Variants in RETREG1 observed in about 807,000 individuals in gnomAD.
RETREG1 encodes family with sequence similarity 134 member B.
Under a neutral mutation model 54.8 loss-of-function variants are expected in RETREG1, and 44 were observed. The observed-to-expected ratio is 0.80, with a 90% CI of 0.63 to 1.03. The LOEUF is 1.03. Ranked by LOEUF, RETREG1 falls within the 50% of genes least tolerant of loss-of-function variation. RETREG1 has a pLI of 0.00. For missense variants in RETREG1, 554 were observed against 605.1 expected (o/e 0.92, Z 0.89); for synonymous variants, 217 against 238.5 (o/e 0.91, Z 0.83).
chr5:16,547,956 G>T (rs546655968), intron 3 of RETREG1, among the ~76,000 whole-genome samples: 1 of 152,238 alleles, frequency 6.6e-6, no homozygotes, highest in East Asian at 1.9e-4. Context: ...CGTATTTAAA[G>T]TAGCCATCTT....
chr5:16,514,324 C>T (rs1277555197), intron 3 of RETREG1, among the ~76,000 whole-genome samples: 2 of 152,152 alleles, frequency 1.3e-5, no homozygotes, highest in Non-Finnish European at 2.9e-5. Context: ...CTGTTTTCTA[C>T]TTGTGGGATC....
intron 2 of RETREG1, among the ~76,000 whole-genome samples, chr5:16,567,759 C>T (rs1242200413): frequency 6.6e-6 from 1 of 152,062 alleles, no homozygotes; most frequent in African/African-American, 2.4e-5. Context: ...GAGTTTAAAA[C>T]CAGCCTGGGT....
chr5:16,584,799 G>A (rs1486533383), intron 1 of RETREG1, among the ~76,000 whole-genome samples: 1 of 152,218 alleles, frequency 6.6e-6, no homozygotes, highest in East Asian at 1.9e-4. Context: ...ATTGTAATAT[G>A]TATCCCATTT....
chr5:16,535,934 T>C (rs1389369223), intron 3 of RETREG1, among the ~76,000 whole-genome samples: 80 of 67,506 alleles, frequency 1.2e-3, no homozygotes, highest in Admixed American at 1.8e-3. Flanking sequence ...TGTGTACACA[T>C]TGCCTTCACA....
At chr5:16,615,580 A>G (rs1358857314) in intron 1 of RETREG1, among the ~76,000 whole-genome samples, 1 of 152,160 alleles carries the variant, frequency 6.6e-6, no homozygotes, top group Non-Finnish European at 1.5e-5. Context: ...GATTTGGAAT[A>G]AACTCTATTC....
chr5:16,571,117 C>A (rs962861451), intron 2 of RETREG1, among the ~76,000 whole-genome samples: 1 of 152,148 alleles, frequency 6.6e-6, no homozygotes, highest in Admixed American at 6.5e-5. Flanking sequence ...GATAGTAAAT[C>A]CGTACCAGCT....
At chr5:16,490,434 A>T (rs1429177488) in intron 3 of RETREG1, among the ~76,000 whole-genome samples, 1 of 152,214 alleles carries the variant, frequency 6.6e-6, no homozygotes, top group Non-Finnish European at 1.5e-5. Flanking sequence ...GGAAAGATGC[A>T]ATTAGGTTAT....
At chr5:16,576,856 C>T (rs1369044683) in intron 1 of RETREG1, among the ~76,000 whole-genome samples, 3 of 152,066 alleles carry the variant, frequency 2.0e-5, no homozygotes. Context: ...ACCTTGTGAT[C>T]CCCCCGCCTC....
intron 1 of RETREG1, among the ~76,000 whole-genome samples, chr5:16,573,547 T>C (rs1168003798): frequency 7.2e-5 from 11 of 152,212 alleles, no homozygotes; most frequent in Non-Finnish European, 1.6e-4. Context: ...ACACGAATAC[T>C]GCCTTCTGCA....
At chr5:16,609,446 T>A (rs1187630633) in intron 1 of RETREG1, among the ~76,000 whole-genome samples, 4 of 152,224 alleles carry the variant, frequency 2.6e-5, no homozygotes, top group African/African-American at 9.6e-5. Context: ...TTTACTTATT[T>A]TTAAGAGTCT....
chr5:16,495,652 T>C (rs1360343818), intron 3 of RETREG1, among the ~76,000 whole-genome samples: 1 of 152,026 alleles, frequency 6.6e-6, no homozygotes, highest in Non-Finnish European at 1.5e-5. Flanking sequence ...ATACAAAAAA[T>C]TGGCCAGGCA....
chr5:16,595,461 C>G (rs1196893683), intron 1 of RETREG1, among the ~76,000 whole-genome samples: 2 of 152,120 alleles, frequency 1.3e-5, no homozygotes, highest in Non-Finnish European at 2.9e-5. Context: ...TCCATTTTAA[C>G]AGGTCTTGGT....
intron 1 of RETREG1, among the ~76,000 whole-genome samples, chr5:16,599,917 G>A (rs1171749270): frequency 6.6e-6 from 1 of 152,204 alleles, no homozygotes; most frequent in Non-Finnish European, 1.5e-5. Flanking sequence ...AGAGCGCTGG[G>A]AATTGCAAGG....
intron 1 of RETREG1, among the ~76,000 whole-genome samples, chr5:16,587,561 C>G (rs1742657288): frequency 6.6e-6 from 1 of 152,166 alleles, no homozygotes; most frequent in African/African-American, 2.4e-5. Flanking sequence ...CTTTCAAATC[C>G]TCATTCAGTT....
At chr5:16,545,126 G>A (rs1213761270) in intron 3 of RETREG1, among the ~76,000 whole-genome samples, 1 of 152,120 alleles carries the variant, frequency 6.6e-6, no homozygotes, top group African/African-American at 2.4e-5. Flanking sequence ...CCAGTATGTG[G>A]AGAGTCCTGT....
At chr5:16,520,424 C>T (rs989254414) in intron 3 of RETREG1, among the ~76,000 whole-genome samples, 1 of 152,022 alleles carries the variant, frequency 6.6e-6, no homozygotes, top group African/African-American at 2.4e-5. Flanking sequence ...CCGTCTCCCG[C>T]GTTCAAGCGA....
At chr5:16,588,894 A>ATT (rs1253516872) in intron 1 of RETREG1, among the ~76,000 whole-genome samples, 84 of 152,292 alleles carry the variant, frequency 5.5e-4, no homozygotes, top group African/African-American at 1.9e-3. Context: ...CAAATACAAA[A>ATT]TCTACTGAGC....
At chr5:16,547,318 A>C (rs1741416213) in intron 3 of RETREG1, among the ~76,000 whole-genome samples, 1 of 152,250 alleles carries the variant, frequency 6.6e-6, no homozygotes, top group Admixed American at 6.5e-5. Flanking sequence ...TTTCAGAGTC[A>C]GGCCCAAGAT....
intron 1 of RETREG1, among the ~76,000 whole-genome samples, chr5:16,611,168 A>C (rs1396435656): frequency 6.6e-6 from 1 of 152,090 alleles, no homozygotes; most frequent in Non-Finnish European, 1.5e-5. Flanking sequence ...AAAACCAAAC[A>C]CTGCATGTTC....
Sources: gnomAD v4.1 joint callset for allele counts (sites outside exome capture counted in the v4.1 genomes callset) on GRCh38, gnomAD v4.1.1 for gene constraint, MANE v1.5 for transcripts, NCBI Gene and HGNC (gene_info 2026-07-23, HGNC 2026-07-21) for gene names.